The following CDH4 variants were observed in gnomAD, a reference collection of about 807,000 sequenced individuals.
The protein encoded by CDH4 is cadherin 4.
In CDH4, 33 loss-of-function variants were observed where a neutral mutation model predicts 86.0. That is an observed-to-expected ratio of 0.38 (90% CI 0.29 to 0.51). The LOEUF (loss-of-function observed/expected upper bound fraction) is 0.51, where lower values mean the gene tolerates loss of function less well. Ranked by LOEUF, CDH4 falls within the 20% of genes least tolerant of loss-of-function variation. The pLI is 0.86. For synonymous variants in CDH4, 555 were observed against 549.4 expected (o/e 1.01, Z -0.14); for missense variants, 1,114 against 1,307.4 (o/e 0.85, Z 2.28).
intron 2 of CDH4, among the ~76,000 whole-genome samples, chr20:61,379,355 G>A (rs554771028): frequency 4.1e-4 from 63 of 152,142 alleles, no homozygotes; most frequent in Non-Finnish European, 7.6e-4. Context: ...GTGGCATGGA[G>A]TCCCCTTAAT....
chr20:61,362,622 G>A (rs919403280), intron 2 of CDH4, among the ~76,000 whole-genome samples: 1 of 152,126 alleles, frequency 6.6e-6, no homozygotes, highest in Non-Finnish European at 1.5e-5. Context: ...AAGGGAAGTG[G>A]TGAGATTCAG....
intron 2 of CDH4, among the ~76,000 whole-genome samples, chr20:61,388,500 C>G (rs1283812483): frequency 6.6e-6 from 1 of 152,170 alleles, no homozygotes; most frequent in African/African-American, 2.4e-5. Flanking sequence ...TACCGTGACC[C>G]TTCTCCGATT....
intron 2 of CDH4, among the ~76,000 whole-genome samples, chr20:61,551,234 A>G (rs1275180833): frequency 6.6e-6 from 1 of 152,230 alleles, no homozygotes; most frequent in Non-Finnish European, 1.5e-5. Context: ...CACAGCATAT[A>G]TAACAGCTGG....
At chr20:61,489,417 T>G (rs2085613803) in intron 2 of CDH4, among the ~76,000 whole-genome samples, 1 of 152,242 alleles carries the variant, frequency 6.6e-6, no homozygotes, top group African/African-American at 2.4e-5. Flanking sequence ...TTTCCTGGAT[T>G]TTATCCAAAA....
At chr20:61,406,748 A>G (rs2085086028) in intron 2 of CDH4, among the ~76,000 whole-genome samples, 2 of 130,988 alleles carry the variant, frequency 1.5e-5, no homozygotes, top group African/African-American at 3.0e-5. Context: ...CCGGACCACC[A>G]TCTGCTCTGC....
intron 4 of CDH4, among the ~76,000 whole-genome samples, chr20:61,780,758 C>T (rs373245265): frequency 6.6e-6 from 1 of 152,140 alleles, no homozygotes; most frequent in Non-Finnish European, 1.5e-5. Context: ...ACTCCACGCT[C>T]GAAGGGAGAA....
intron 2 of CDH4, among the ~76,000 whole-genome samples, chr20:61,329,162 G>A (rs1018662971): frequency 2.6e-5 from 4 of 152,218 alleles, no homozygotes; most frequent in Non-Finnish European, 5.9e-5. Flanking sequence ...TATCATTTTT[G>A]TACCATCATA....
intron 2 of CDH4, among the ~76,000 whole-genome samples, chr20:61,285,149 G>C (rs540621415): frequency 6.6e-6 from 1 of 152,264 alleles, no homozygotes; most frequent in African/African-American, 2.4e-5. Context: ...GACAGCCAAG[G>C]CTCTAACAGC....
intron 2 of CDH4, among the ~76,000 whole-genome samples, chr20:61,340,135 A>G (rs1253546042): frequency 2.0e-5 from 3 of 152,186 alleles, no homozygotes; most frequent in Non-Finnish European, 4.4e-5. Flanking sequence ...ATTCTGATTG[A>G]AGGATATAGT....
At chr20:61,291,734 C>T (rs2084322307) in intron 2 of CDH4, among the ~76,000 whole-genome samples, 2 of 152,206 alleles carry the variant, frequency 1.3e-5, no homozygotes, top group African/African-American at 4.8e-5. Flanking sequence ...ACTCGGTTTC[C>T]ATTATCTTTT....
At chr20:61,840,035 C>T (rs954930416) in intron 4 of CDH4, among the ~76,000 whole-genome samples, 2 of 152,132 alleles carry the variant, frequency 1.3e-5, no homozygotes, top group African/African-American at 4.8e-5. Context: ...TCTCCAAGGC[C>T]TTCCTTGCCC....
At chr20:61,822,841 C>T (rs1305562326) in intron 4 of CDH4, among the ~76,000 whole-genome samples, 1 of 152,238 alleles carries the variant, frequency 6.6e-6, no homozygotes, top group Non-Finnish European at 1.5e-5. Flanking sequence ...CCGGCCACAA[C>T]AGGGCATGCC....
intron 2 of CDH4, among the ~76,000 whole-genome samples, chr20:61,678,860 G>A (rs1430396918): frequency 1.3e-5 from 2 of 152,184 alleles, no homozygotes; most frequent in African/African-American, 2.4e-5. Context: ...GATCCAGCAT[G>A]AGCTCCAACT....
rs556311052 is a variant in CDH4, at chr20:61,891,514, G to A, written c.1051-3396G>A. On this transcript the variant is annotated intron_variant, in intron 7 of 15. Coordinates refer to ENST00000614565, the MANE Select transcript of CDH4 (RefSeq NM_001794.5). The stretch of plus-strand genomic sequence containing the variant: ...CTGATCTGCTGCAGGGACCACGCAG[G>A]CATGGGCCAAGAAGCAGTTTCCTGC... Among the ~76,000 whole-genome samples the A allele has an allele frequency of 2.0e-5, 3 of 152,376 alleles. No individual in the cohort carries two copies. The South Asian group carries it at 6.2e-4, about 32-fold the overall frequency.
intron 2 of CDH4, chr20:61,436,449 C>G (rs1344608325): frequency 2.0e-5 from 3 of 152,200 alleles, no homozygotes; most frequent in Non-Finnish European, 4.4e-5. Context: ...GAATGGATAA[C>G]TCACTGGAAT....
intron 2 of CDH4, among the ~76,000 whole-genome samples, chr20:61,478,342 G>A (rs2085550736): frequency 6.6e-6 from 1 of 152,158 alleles, no homozygotes; most frequent in African/African-American, 2.4e-5. Context: ...CCTCATAACT[G>A]GCTCCGAAGT....
At chr20:61,896,645 G>T (rs1202618305) in intron 8 of CDH4, among the ~76,000 whole-genome samples, 1 of 152,246 alleles carries the variant, frequency 6.6e-6, no homozygotes, top group African/African-American at 2.4e-5. Context: ...AATTGGCCAG[G>T]AAGGCGTTCA....
intron 2 of CDH4, among the ~76,000 whole-genome samples, chr20:61,304,425 C>T (rs892608933): frequency 1.3e-5 from 2 of 152,098 alleles, no homozygotes; most frequent in South Asian, 2.1e-4. Flanking sequence ...TAATGGTCTG[C>T]GTGGTTGGCT....
chr20:61,931,033 C>T (rs374697778), intron 13 of CDH4, among the ~76,000 whole-genome samples: 26 of 152,344 alleles, frequency 1.7e-4, no homozygotes, highest in Middle Eastern at 3.4e-3. Flanking sequence ...ACAGCAGATC[C>T]GCCTGCTGCC....
Sources: allele counts gnomAD v4.1 joint callset (sites outside exome capture counted in the v4.1 genomes callset), GRCh38; gene constraint gnomAD v4.1.1; transcripts MANE v1.5; gene names NCBI Gene and HGNC (gene_info 2026-07-23, HGNC 2026-07-21).